TENM2: variants seen among roughly 807,000 people sequenced by gnomAD.
TENM2 encodes the protein teneurin transmembrane protein 2.
In TENM2, 52 loss-of-function variants were observed where a neutral mutation model predicts 245.2. The ratio of observed to expected loss-of-function variants is 0.21; its 90% CI spans 0.17 to 0.27. The LOEUF (loss-of-function observed/expected upper bound fraction) is 0.27, where lower values mean the gene tolerates loss of function less well. TENM2 is among the 10% of genes least tolerant of loss of function. The pLI is 1.00. For missense variants in TENM2, 3,046 were observed against 3,666.8 expected (o/e 0.83, Z 4.37); for synonymous variants, 1,363 against 1,438.9 (o/e 0.95, Z 1.19).
intron 2 of TENM2, among the ~76,000 whole-genome samples, chr5:167,787,076 C>T (rs1167893708): frequency 1.3e-5 from 2 of 151,938 alleles, no homozygotes; most frequent in Non-Finnish European, 2.9e-5. Flanking sequence ...GATGATTATC[C>T]CCAGGGGGCA....
At chr5:167,188,003 G>T in the TENM2 span, among the ~76,000 whole-genome samples, 3 of 152,118 alleles carry the variant, frequency 2.0e-5, no homozygotes, top group Non-Finnish European at 4.4e-5. Context: ...GAAACCAGGT[G>T]TTAGAGCTGA....
chr5:167,375,680 T>G (rs983844472), intron 2 of TENM2, among the ~76,000 whole-genome samples: 2 of 152,194 alleles, frequency 1.3e-5, no homozygotes, highest in Non-Finnish European at 2.9e-5. Context: ...AATCACATTC[T>G]GATGATAACA....
chr5:167,772,658 G>A (rs1308588067), intron 2 of TENM2, among the ~76,000 whole-genome samples: 1 of 150,732 alleles, frequency 6.6e-6, no homozygotes, highest in African/African-American at 2.4e-5. Flanking sequence ...AATACAAAAA[G>A]CACCCTATTA....
At chr5:168,163,586 G>A (rs938514754) in intron 13 of TENM2, among the ~76,000 whole-genome samples, 1 of 152,172 alleles carries the variant, frequency 6.6e-6, no homozygotes, top group African/African-American at 2.4e-5. Context: ...GCTTCCCAAA[G>A]TTTCTTCCTA....
chr5:167,297,479 C>A (rs1181664842), intron 1 of TENM2: 1 of 152,144 alleles, frequency 6.6e-6, no homozygotes, highest in Non-Finnish European at 1.5e-5. Context: ...TGGAATGTAA[C>A]AGGTAACAGT....
intron 2 of TENM2, among the ~76,000 whole-genome samples, chr5:167,846,093 G>T (rs916607876): frequency 2.6e-5 from 4 of 152,102 alleles, no homozygotes; most frequent in East Asian, 1.9e-4. Context: ...CCTCTTCTGG[G>T]TTGCAATGTC....
chr5:167,642,012 G>A (rs909061683), intron 2 of TENM2, among the ~76,000 whole-genome samples: 7 of 151,764 alleles, frequency 4.6e-5, no homozygotes, highest in African/African-American at 9.7e-5. Flanking sequence ...ATGGTGGTGC[G>A]TGCCTGTAAT....
chr5:167,272,520 CT>C, the TENM2 span, among the ~76,000 whole-genome samples: 1 of 152,124 alleles, frequency 6.6e-6, no homozygotes, highest in African/African-American at 2.4e-5. Context: ...TCCAATAAAA[CT>C]TTTTATTAGA....
chr5:167,321,822 G>T (rs1432651393), intron 1 of TENM2, among the ~76,000 whole-genome samples: 18 of 55,898 alleles, frequency 3.2e-4, no homozygotes, highest in Non-Finnish European at 3.8e-4. Flanking sequence ...GCGGGGGGGG[G>T]GGTGGATGGA....
intron 2 of TENM2, among the ~76,000 whole-genome samples, chr5:167,783,764 C>T (rs1178422598): frequency 1.3e-5 from 2 of 152,128 alleles, no homozygotes; most frequent in Non-Finnish European, 2.9e-5. Context: ...CAGCAAATCG[C>T]TTGGTCCTGC....
chr5:167,564,736 C>T (rs952817488), intron 2 of TENM2, among the ~76,000 whole-genome samples: 5 of 152,134 alleles, frequency 3.3e-5, no homozygotes, highest in South Asian at 4.2e-4. Flanking sequence ...AATATTTGAG[C>T]GTTTCCCTCC....
At chr5:167,659,071 AAC>A (rs1410170660) in intron 2 of TENM2, among the ~76,000 whole-genome samples, 4 of 152,196 alleles carry the variant, frequency 2.6e-5, no homozygotes, top group African/African-American at 9.6e-5. Flanking sequence ...GTTGCAAAAT[AAC>A]ACCCACAGAA....
intron 2 of TENM2, among the ~76,000 whole-genome samples, chr5:167,581,012 A>T (rs1300359321): frequency 6.6e-6 from 1 of 152,182 alleles, no homozygotes; most frequent in Non-Finnish European, 1.5e-5. Context: ...AACGGGAACC[A>T]AAAAAGAAAA....
At chr5:167,068,527 G>A in the TENM2 span, among the ~76,000 whole-genome samples, 2 of 152,096 alleles carry the variant, frequency 1.3e-5, no homozygotes, top group Non-Finnish European at 2.9e-5. Context: ...AAGTAAAAAT[G>A]TTATTGAGAT....
At chr5:167,203,685 A>G in the TENM2 span, among the ~76,000 whole-genome samples, 4 of 152,204 alleles carry the variant, frequency 2.6e-5, no homozygotes, top group Non-Finnish European at 4.4e-5. Context: ...TTAAAACATA[A>G]CAAGCTATGA....
At chr5:167,645,762 T>A (rs1438680657) in intron 2 of TENM2, among the ~76,000 whole-genome samples, 1 of 152,124 alleles carries the variant, frequency 6.6e-6, no homozygotes, top group Non-Finnish European at 1.5e-5. Flanking sequence ...AACCTTGATA[T>A]CTTTATCTTT....
chr5:168,118,289 C>A lies in TENM2; in HGVS notation c.1814-3C>A. 1 of 1,548,922 alleles carries A rather than the reference C, an allele frequency of 6.5e-7. No individual in the cohort carries two copies. Among genetic ancestry groups the A allele is most frequent in the Admixed American group, 1.7e-5 (1 of 57,274 alleles). On this transcript the variant is annotated splice_region_variant and splice_polypyrimidine_tract_variant and intron_variant, in intron 9 of 28. Coordinates refer to ENST00000518659, the Ensembl canonical transcript of TENM2. ...CCTAGTGCTCTGTCTTTGGTTTGTG[C>A]AGCTGCCTGCCCTGTCCTGTGCAGT... is the stretch of plus-strand genomic sequence containing the variant.
intron 28 of TENM2, among the ~76,000 whole-genome samples, chr5:168,260,831 C>T (rs747568323): frequency 2.6e-5 from 4 of 152,102 alleles, no homozygotes; most frequent in African/African-American, 4.8e-5. Context: ...AAAACCTCGG[C>T]GCTTTATGGC....
intron 2 of TENM2, among the ~76,000 whole-genome samples, chr5:167,640,903 AT>A (rs563504615): frequency 2.1e-5 from 2 of 95,510 alleles, no homozygotes; most frequent in African/African-American, 8.0e-5. Flanking sequence ...ATATATATAT[AT>A]ATCTTTCTCT....
Sources: allele counts gnomAD v4.1 joint callset (sites outside exome capture counted in the v4.1 genomes callset), GRCh38; gene constraint gnomAD v4.1.1; transcripts MANE v1.5; gene names NCBI Gene and HGNC (gene_info 2026-07-23, HGNC 2026-07-21).